The following PALM2AKAP2 variants were observed in gnomAD, a reference collection of about 807,000 sequenced individuals.
The protein encoded by PALM2AKAP2 is PALM2-AKAP2 fusion protein.
Under a neutral mutation model 71.5 loss-of-function variants are expected in PALM2AKAP2, and 37 were observed. The observed-to-expected ratio is 0.52, with a 90% confidence interval of 0.40 to 0.68. The LOEUF (loss-of-function observed/expected upper bound fraction) is 0.68. Among genes scored for constraint, PALM2AKAP2 ranks in the 30% least tolerant of loss-of-function variants. The pLI, the probability that PALM2AKAP2 is intolerant of heterozygous loss-of-function variation, is 0.00. For missense variants in PALM2AKAP2, 1,224 were observed against 1,191.8 expected, an observed-to-expected ratio of 1.03 and a Z score of -0.40; for synonymous variants, 468 against 478.8, an observed-to-expected ratio of 0.98 and a Z score of 0.29.
intron 3 of PALM2AKAP2, among the ~76,000 whole-genome samples, chr9:109,918,540 G>C (rs1830747029): frequency 6.6e-6 from 1 of 152,180 alleles, no homozygotes; most frequent in Non-Finnish European, 1.5e-5. Flanking sequence ...TACACTTCCT[G>C]CCCATTCTTT....
intron 2 of PALM2AKAP2, among the ~76,000 whole-genome samples, chr9:109,870,848 C>T (rs1438583800): frequency 6.6e-6 from 1 of 152,070 alleles, no homozygotes; most frequent in Non-Finnish European, 1.5e-5. Context: ...TATTGAAGTT[C>T]CTTGAAGTAG....
chr9:110,023,935 A>G (rs1833125656), intron 7 of PALM2AKAP2, among the ~76,000 whole-genome samples: 1 of 152,172 alleles, frequency 6.6e-6, no homozygotes, highest in African/African-American at 2.4e-5. Flanking sequence ...TTGAGGCTGC[A>G]GTGAGCTGTG....
chr9:109,659,819 C>T (rs1743401775), intron 1 of PALM2AKAP2, among the ~76,000 whole-genome samples: 1 of 152,092 alleles, frequency 6.6e-6, no homozygotes, highest in African/African-American at 2.4e-5. Context: ...AATACAAATA[C>T]AATAAGTGCA....
intron 7 of PALM2AKAP2, among the ~76,000 whole-genome samples, chr9:110,030,272 G>A (rs1351393297): frequency 6.6e-6 from 1 of 152,184 alleles, no homozygotes; most frequent in Non-Finnish European, 1.5e-5. Context: ...AGTCTGTTGG[G>A]CCCACAGAAC....
intron 3 of PALM2AKAP2, among the ~76,000 whole-genome samples, chr9:109,915,824 C>G (rs1830675001): frequency 6.6e-6 from 1 of 151,964 alleles, no homozygotes; most frequent in Non-Finnish European, 1.5e-5. Context: ...AAAAATGAAG[C>G]CCACCTGAGT....
chr9:109,966,869 T>G (rs1178528861), intron 6 of PALM2AKAP2, among the ~76,000 whole-genome samples: 2 of 152,178 alleles, frequency 1.3e-5, no homozygotes, highest in Non-Finnish European at 2.9e-5. Context: ...TCCCAGGTGG[T>G]CTGGTGCCGC....
intron 2 of PALM2AKAP2, among the ~76,000 whole-genome samples, chr9:110,153,166 CT>C (rs886418423): frequency 2.6e-4 from 40 of 152,224 alleles, no homozygotes; most frequent in African/African-American, 9.4e-4. Context: ...CAGGAAATGT[CT>C]TTGATGTTAA....
intron 6 of PALM2AKAP2, among the ~76,000 whole-genome samples, chr9:110,000,691 T>C (rs1428034671): frequency 6.6e-6 from 1 of 152,262 alleles, no homozygotes; most frequent in Non-Finnish European, 1.5e-5. Flanking sequence ...CCTGACTTTT[T>C]AATGATCCCC....
intron 6 of PALM2AKAP2, among the ~76,000 whole-genome samples, chr9:109,950,485 G>A (rs1831611235): frequency 6.6e-6 from 1 of 151,842 alleles, no homozygotes; most frequent in South Asian, 2.1e-4. Context: ...ATCACACTCA[G>A]TTTCCTGAAG....
chr9:109,680,338 G>A (rs1387937097), intron 1 of PALM2AKAP2, among the ~76,000 whole-genome samples: 2 of 152,230 alleles, frequency 1.3e-5, no homozygotes, highest in African/African-American at 4.8e-5. Flanking sequence ...AGTCACACGA[G>A]GTGTATAGAT....
intron 6 of PALM2AKAP2, among the ~76,000 whole-genome samples, chr9:110,005,005 G>A (rs538879865): frequency 7.2e-5 from 11 of 152,140 alleles, no homozygotes; most frequent in East Asian, 1.9e-4. Flanking sequence ...TAGTTTGATC[G>A]TCTGAAGCCT....
intron 6 of PALM2AKAP2, among the ~76,000 whole-genome samples, chr9:109,999,990 C>T (rs1832651632): frequency 6.7e-6 from 1 of 150,226 alleles, no homozygotes. Context: ...TTGAATGGAC[C>T]ATTCCATTTT....
chr9:109,997,394 A>G (rs1441434634), intron 6 of PALM2AKAP2, among the ~76,000 whole-genome samples: 1 of 152,164 alleles, frequency 6.6e-6, no homozygotes, highest in Non-Finnish European at 1.5e-5. Context: ...CATCCTCTGG[A>G]TAGTCTCGCT....
At chr9:109,897,683 A>T (rs1830234316) in intron 3 of PALM2AKAP2, among the ~76,000 whole-genome samples, 1 of 152,188 alleles carries the variant, frequency 6.6e-6, no homozygotes, top group Non-Finnish European at 1.5e-5. Context: ...CTCAGACCAA[A>T]TTTTTTCACC....
intron 7 of PALM2AKAP2, among the ~76,000 whole-genome samples, chr9:110,035,658 TAG>T (rs1193999664): frequency 1.6e-5 from 2 of 125,842 alleles, no homozygotes; most frequent in African/African-American, 6.3e-5. Flanking sequence ...ATAACATATA[TAG>T]GATATGTTGT....
intron 1 of PALM2AKAP2, among the ~76,000 whole-genome samples, chr9:109,686,681 AT>A (rs1386972007): frequency 5.3e-5 from 8 of 151,680 alleles, no homozygotes; most frequent in South Asian, 2.1e-4. Context: ...TTTGCAATTT[AT>A]TTTTTTTATT....
intron 3 of PALM2AKAP2, among the ~76,000 whole-genome samples, chr9:109,922,345 C>G (rs896359995): frequency 2.9e-5 from 4 of 137,946 alleles, no homozygotes; most frequent in Non-Finnish European, 6.1e-5. Flanking sequence ...TTGCTTGAGC[C>G]CAAGAGGTAG....
At chr9:110,015,887 A>G in intron 6 of PALM2AKAP2, 67 bp from the exon 7 acceptor site, 3 of 1,410,022 alleles carry the variant, frequency 2.1e-6, no homozygotes, top group South Asian at 1.2e-5. Context: ...AATCTGAGCA[A>G]TAACAACTGT....
chr9:110,032,751 TA>T (rs1224025092), intron 7 of PALM2AKAP2, among the ~76,000 whole-genome samples: 30 of 142,128 alleles, frequency 2.1e-4, no homozygotes, highest in Non-Finnish European at 3.9e-4. Context: ...AAATAAAAAA[TA>T]AAAAAACAAA....
Sources: allele counts gnomAD v4.1 joint callset (sites outside exome capture counted in the v4.1 genomes callset), GRCh38; gene constraint gnomAD v4.1.1; transcripts MANE v1.5; gene names NCBI Gene and HGNC (gene_info 2026-07-23, HGNC 2026-07-21).